PACC1: variants seen among roughly 807,000 people sequenced by gnomAD.
The protein encoded by PACC1 is proton-activated chloride channel.
A neutral mutation model predicts 39.7 loss-of-function variants in PACC1; 34 were observed. The observed-to-expected ratio is 0.86, with a 90% CI of 0.65 to 1.14. PACC1 has a LOEUF of 1.14. PACC1 is among the 50% of genes most tolerant of loss of function. The probability of loss-of-function intolerance (pLI) is 0.00; values close to 1 mark genes in which losing one functional copy is unlikely to be tolerated. For synonymous variants in PACC1, 127 were observed against 160.6 expected (o/e 0.79, Z 1.58); for missense variants, 379 against 436.4 (o/e 0.87, Z 1.17).
rs750763957 is a variant in PACC1, at chr1:212,381,361, G to A, written c.496-1324C>T. Among the ~76,000 whole-genome samples, 11 of 152,172 alleles carry A rather than the reference G, an allele frequency of 7.2e-5. No homozygotes were observed. In the East Asian group the frequency reaches 7.7e-4, roughly 11 times the overall value. On this transcript the variant is annotated intron_variant, in intron 4 of 7. Coordinates refer to ENST00000261455, the MANE Select transcript of PACC1 (RefSeq NM_018252.3). The stretch of plus-strand genomic sequence containing the variant: ...ATTAATATTGTCACTTCTGGTTTTC[G>A]TTGCATCTTCTCAAGACAGCTTTGT...
chr1:212,370,396 G>A (rs796783235), intron 7 of PACC1, among the ~76,000 whole-genome samples: 13 of 152,346 alleles, frequency 8.5e-5, no homozygotes, highest in African/African-American at 2.9e-4. Context: ...GTGAACCCGG[G>A]AGGCAGAGCT....
chr1:212,367,060 C>G (rs1027937248), intron 7 of PACC1, among the ~76,000 whole-genome samples: 2 of 152,198 alleles, frequency 1.3e-5, no homozygotes, highest in African/African-American at 4.8e-5. Context: ...TTTAGCAAAG[C>G]TGTCCAATTA....
At chr1:212,368,889 G>A (rs527657839) in intron 7 of PACC1, among the ~76,000 whole-genome samples, 36 of 152,032 alleles carry the variant, frequency 2.4e-4, no homozygotes, top group Non-Finnish European at 3.8e-4. Flanking sequence ...AAAATTAGCC[G>A]GGCGTGGTGG....
Position 212,377,707 on chromosome 1 carries a change from C to G in PACC1, c.639-1G>C. On this transcript the variant is annotated splice_acceptor_variant, in intron 5 of 7. Coordinates refer to ENST00000261455, the MANE Select transcript of PACC1 (RefSeq NM_018252.3). LOFTEE classifies it high-confidence loss of function. Reference sequence around the variant, plus strand: ...CTGCATGAAGCCTACCCTGTTTGGGCTTGGAGGAAGGAAGGAGAAGGAAGA... The same window carrying G: ...CTGCATGAAGCCTACCCTGTTTGGGGTTGGAGGAAGGAAGGAGAAGGAAGA... 1.2e-6 allele frequency: 2 copies of G among 1,613,882 alleles called. No homozygotes were observed. The highest frequency in any genetic ancestry group is 1.7e-6 in the Non-Finnish European group (2 of 1,179,894).
chr1:212,404,167 C>T (rs551256268), intron 2 of PACC1, among the ~76,000 whole-genome samples: 11 of 151,934 alleles, frequency 7.2e-5, no homozygotes, highest in Admixed American at 3.9e-4. Flanking sequence ...AGTACAGTGG[C>T]GCGATCTCAG....
At chr1:212,409,297 G>A (rs1297369527) in intron 2 of PACC1, among the ~76,000 whole-genome samples, 2 of 152,176 alleles carry the variant, frequency 1.3e-5, no homozygotes, top group African/African-American at 2.4e-5. Context: ...ACTATGAGAC[G>A]GTGCTGGAGG....
chr1:212,391,223 G>A (rs1325694531), intron 2 of PACC1, among the ~76,000 whole-genome samples: 1 of 152,198 alleles, frequency 6.6e-6, no homozygotes, highest in East Asian at 1.9e-4. Context: ...CACACGGCCA[G>A]GTACCCTTCT....
chr1:212,396,875 C>T (rs980090189), intron 2 of PACC1, among the ~76,000 whole-genome samples: 20 of 151,342 alleles, frequency 1.3e-4, no homozygotes, highest in Admixed American at 2.6e-4. Context: ...CTGATATTAA[C>T]GACAACTAAT....
At chr1:212,377,365 C>T (rs973395291) in intron 6 of PACC1, among the ~76,000 whole-genome samples, 197 bp downstream of exon 6, 5 of 152,298 alleles carry the variant, frequency 3.3e-5, no homozygotes, top group East Asian at 3.9e-4. Context: ...CCGGTATGTG[C>T]GCTGCCTGCA....
intron 2 of PACC1, among the ~76,000 whole-genome samples, chr1:212,391,347 C>T (rs560562404): frequency 6.6e-6 from 1 of 152,274 alleles, no homozygotes; most frequent in South Asian, 2.1e-4. Context: ...GAGTGCACCT[C>T]CAGCAAACTC....
At position 212,386,898 on chromosome 1, in the gene PACC1, A is replaced by AGGC; in HGVS notation, c.335_336insGCC (p.Asp112delinsGluPro). The AGGC allele has an allele frequency of 6.2e-7, 1 of 1,614,172 alleles. No homozygotes were observed. Among genetic ancestry groups the AGGC allele is most frequent in the Non-Finnish European group, 8.5e-7 (1 of 1,180,026 alleles). ...CCCAGGGGCAGGCTCTACCTGGGGC[A>AGGC]TCATAGCGATCCACTTCCTTGTAAG... is the stretch of plus-strand genomic sequence containing the variant. On this transcript the variant is annotated protein_altering_variant, in exon 3 of 8. Transcript: ENST00000261455. This position sits in a 1 kb window ranked among gnomAD's most constrained non-coding sequence, Gnocchi z 5.0.
At chr1:212,375,552 G>A (rs1483463574) in intron 6 of PACC1, among the ~76,000 whole-genome samples, 1 of 152,136 alleles carries the variant, frequency 6.6e-6, no homozygotes, top group East Asian at 1.9e-4. Context: ...GTTTTGGATT[G>A]TCACTGAAAT....
chr1:212,390,435 A>C (rs532688509), intron 2 of PACC1, among the ~76,000 whole-genome samples: 14 of 151,806 alleles, frequency 9.2e-5, no homozygotes, highest in African/African-American at 2.9e-4. Context: ...AAAAGAAAAA[A>C]AAAAAAAAAA....
chr1:212,387,243 T>G, intron 2 of PACC1, 143 bp from the exon 3 acceptor site: 1 of 710,860 alleles, frequency 1.4e-6, no homozygotes, highest in Non-Finnish European at 2.3e-6. Flanking sequence ...ACCCCACAAA[T>G]CATAACAAAG....
Position 212,365,051 on chromosome 1 carries a change from C to G in PACC1, c.*164G>C. ...TCTCTTCTATTAGGCTCTACACCGC[C>G]TCTTTTGGGACGGGGTTAGAAGTTC... On this transcript the variant is annotated 3_prime_UTR_variant, in exon 8 of 8. Transcript: ENST00000261455. 1.8e-6 allele frequency: 1 copy of G among 546,454 alleles called. No individual in the cohort carries two copies. The highest frequency in any genetic ancestry group is 3.6e-5 in the Admixed American group (1 of 27,758). The allele number at this position is 546,454 out of a possible 1,614,324, so 33.9% of individuals were successfully genotyped here. A position where few individuals can be genotyped will look rare whatever the true frequency, so the allele number is the denominator to read the frequency against.
intron 7 of PACC1, among the ~76,000 whole-genome samples, chr1:212,373,651 C>CA (rs1660540577): frequency 1.3e-5 from 2 of 151,928 alleles, no homozygotes; most frequent in Admixed American, 1.3e-4. Flanking sequence ...AACTCAATAG[C>CA]AAAAAAAGCC....
chr1:212,390,886 G>A (rs904228955), intron 2 of PACC1, among the ~76,000 whole-genome samples: 1 of 152,264 alleles, frequency 6.6e-6, no homozygotes, highest in African/African-American at 2.4e-5. Context: ...CGGCAGTGAG[G>A]CTGGGGGAGG....
At chr1:212,396,849 TATTA>T (rs1437000846) in intron 2 of PACC1, among the ~76,000 whole-genome samples, 1 of 124,342 alleles carries the variant, frequency 8.0e-6, no homozygotes, top group African/African-American at 2.9e-5. Context: ...TCTATCTATC[TATTA>T]CATATAGAGC....
At chr1:212,400,668 T>G (rs781437169) in intron 2 of PACC1, among the ~76,000 whole-genome samples, 10 of 152,144 alleles carry the variant, frequency 6.6e-5, no homozygotes, top group Non-Finnish European at 8.8e-5. Context: ...ACGCACTATG[T>G]AGTGAGAAAA....
Sources: gnomAD v4.1 joint callset for allele counts (sites outside exome capture counted in the v4.1 genomes callset) on GRCh38, gnomAD v4.1.1 for gene constraint, Gnocchi (gnomAD v3.1) non-coding constraint, MANE v1.5 for transcripts, NCBI Gene and HGNC (gene_info 2026-07-23, HGNC 2026-07-21) for gene names.